The following SNX19 variants were observed in gnomAD, a reference collection of about 807,000 sequenced individuals.
The protein encoded by SNX19 is sorting nexin-19.
Under a neutral mutation model 85.2 loss-of-function variants are expected in SNX19, and 60 were observed. The observed-to-expected ratio is 0.70, with a 90% CI of 0.57 to 0.87. The LOEUF (loss-of-function observed/expected upper bound fraction) is 0.87. Ranked by LOEUF, SNX19 falls within the 40% of genes least tolerant of loss-of-function variation. SNX19 has a pLI of 0.00. For synonymous variants in SNX19, 520 were observed against 470.0 expected (o/e 1.11, Z -1.38); for missense variants, 1,201 against 1,217.8 (o/e 0.99, Z 0.21).
rs185451483 is a variant in SNX19, at chr11:130,870,437, G to A, written c.*7985C>T. On this transcript the variant is annotated 3_prime_UTR_variant, in exon 11 of 11. Coordinates refer to ENST00000265909, the MANE Select transcript of SNX19 (RefSeq NM_014758.3). ...GGGGGTAGCCTCTGATGAAACATTT[G>A]AGTAATGGATTTCTTTACCTCACCT... Among the ~76,000 whole-genome samples, 43 of 152,338 alleles carry A rather than the reference G, an allele frequency of 2.8e-4. No individual in the cohort carries two copies. Among genetic ancestry groups the A allele is most frequent in the Admixed American group, 1.0e-3 (16 of 15,306 alleles).
At chr11:130,894,396 A>G (rs1039557919) in intron 8 of SNX19, among the ~76,000 whole-genome samples, 1 of 152,226 alleles carries the variant, frequency 6.6e-6, no homozygotes, top group Non-Finnish European at 1.5e-5. Flanking sequence ...AGCAGAAGGA[A>G]GAAGGGTGAA....
chr11:130,872,833 T>C lies in SNX19; in HGVS notation c.*5589A>G, dbSNP rs1943080932. On this transcript the variant is annotated 3_prime_UTR_variant, in exon 11 of 11. Transcript: ENST00000265909. ...CCATCCCCTTCCACATCCAGCAGTG[T>C]GGGCTAACCTTCCTTTCCTCATCCT... 6.6e-6 allele frequency among the ~76,000 whole-genome samples: 1 copy of C among 152,162 alleles called. No individual in the cohort carries two copies. Among genetic ancestry groups the C allele is most frequent in the African/African-American group, 2.4e-5 (1 of 41,442 alleles).
chr11:130,907,826 C>T, intron 5 of SNX19, 127 bp downstream of exon 5: 2 of 1,433,542 alleles, frequency 1.4e-6, no homozygotes, highest in Non-Finnish European at 1.9e-6. Context: ...CTAGCTTTGC[C>T]TAAAAACTGG....
At chr11:130,880,331 A>G (rs1462865615) in intron 9 of SNX19, among the ~76,000 whole-genome samples, 1 of 152,096 alleles carries the variant, frequency 6.6e-6, no homozygotes, top group African/African-American at 2.4e-5. Context: ...CAGACCTGCC[A>G]GCAGGTAGAG....
At position 130,875,399 on chromosome 11, in the gene SNX19, G is replaced by T. The variant is rs1943190633; in HGVS notation, c.*3023C>A. 1 of 152,292 alleles carries T rather than the reference G, an allele frequency of 6.6e-6. No homozygotes were observed. Among genetic ancestry groups the T allele is most frequent in the Middle Eastern group, 3.4e-3 (1 of 294 alleles). 9.4% of individuals were successfully genotyped at this position (152,292 alleles called of 1,614,324 possible). A position where few individuals can be genotyped will look rare whatever the true frequency, so the allele number is the denominator to read the frequency against. On this transcript the variant is annotated 3_prime_UTR_variant, in exon 11 of 11. Coordinates refer to ENST00000265909, the MANE Select transcript of SNX19 (RefSeq NM_014758.3). The stretch of plus-strand genomic sequence containing the variant: ...TCAATGGGTATAAACTTTTGGTTAT[G>T]CAAGATGAAAAACTTGTAGCAGTCT...
chr11:130,905,710 T>A, intron 7 of SNX19: 5 of 1,534,054 alleles, frequency 3.3e-6, no homozygotes, highest in Non-Finnish European at 4.4e-6. Context: ...ATCAGCATGA[T>A]CTCATCCTGC....
rs892710883 is a variant in SNX19 at position 130,871,900 on chromosome 11, C to G, written c.*6522G>C. ...ACACTTTAATATTAAAATTAGCTTA[C>G]ACTTCCTAAACAAACACTGACTGGT... On this transcript the variant is annotated 3_prime_UTR_variant, in exon 11 of 11. Coordinates refer to ENST00000265909, the MANE Select transcript of SNX19 (RefSeq NM_014758.3). Among the ~76,000 whole-genome samples, 1 of 152,202 alleles carries G rather than the reference C, an allele frequency of 6.6e-6. No homozygotes were observed. The highest frequency in any genetic ancestry group is 6.5e-5 in the Admixed American group (1 of 15,284).
Position 130,911,631 on chromosome 11 carries a change from AC to A in SNX19, c.1813+1del. On this transcript the variant is annotated splice_donor_variant, in intron 2 of 10. Coordinates refer to ENST00000265909, the MANE Select transcript of SNX19 (RefSeq NM_014758.3). LOFTEE classifies it high-confidence loss of function. ...GCAGTAGGGGTTGGGGAAACTCCTG[AC>A]TTTTGATGAACTTTCGTAGATCTGG... 1 of 1,614,064 alleles carries A rather than the reference AC, an allele frequency of 6.2e-7. No individual in the cohort carries two copies. The highest frequency in any genetic ancestry group is 8.5e-7 in the Non-Finnish European group (1 of 1,179,996).
rs1946585066 is a variant in SNX19, at chr11:130,916,382, C to T, written c.-443G>A. Reference sequence around the variant, plus strand: ...GAAGTGGACTCATCGCGGTCCTCTCCGGGAGCCTCGGCCCTCTGCCGCCGT... The same window carrying T: ...GAAGTGGACTCATCGCGGTCCTCTCTGGGAGCCTCGGCCCTCTGCCGCCGT... On this transcript the variant is annotated 5_prime_UTR_variant, in exon 1 of 11. Coordinates refer to ENST00000265909, the MANE Select transcript of SNX19 (RefSeq NM_014758.3). The T allele has an allele frequency of 6.3e-6, 1 of 159,436 alleles. No homozygotes were observed. Among genetic ancestry groups the T allele is most frequent in the Non-Finnish European group, 1.4e-5 (1 of 72,166 alleles). The allele number at this position is 159,436 out of a possible 1,614,324, so 9.9% of individuals were successfully genotyped here.
At chr11:130,878,810 A>G (rs1262223562) in intron 10 of SNX19, among the ~76,000 whole-genome samples, 2 of 152,228 alleles carry the variant, frequency 1.3e-5, no homozygotes, top group African/African-American at 4.8e-5. Flanking sequence ...ACATAGTTAC[A>G]TTAGCACTGC....
chr11:130,887,389 C>A (rs764532319), intron 8 of SNX19, among the ~76,000 whole-genome samples: 13 of 152,168 alleles, frequency 8.5e-5, no homozygotes, highest in Non-Finnish European at 1.9e-4. Context: ...TAAGAACATA[C>A]AACTTGAGAG....
rs1424650441 is a variant in SNX19, at chr11:130,877,753, A to C, written c.*669T>G. Reference sequence around the variant, plus strand: ...CCAGAAGCTTTGGCAGTCAGCTTTGAAGTCTTCTGGAAAGGAAAGTGTAGC... The same window carrying C: ...CCAGAAGCTTTGGCAGTCAGCTTTGCAGTCTTCTGGAAAGGAAAGTGTAGC... On this transcript the variant is annotated 3_prime_UTR_variant, in exon 11 of 11. Coordinates refer to ENST00000265909, the MANE Select transcript of SNX19 (RefSeq NM_014758.3). 1.3e-5 allele frequency: 2 copies of C among 152,656 alleles called. No homozygotes were observed. Among genetic ancestry groups the C allele is most frequent in the African/African-American group, 4.8e-5 (2 of 41,448 alleles). 9.5% of individuals were successfully genotyped at this position (152,656 alleles called of 1,614,324 possible).
chr11:130,877,446 A>C lies in SNX19; in HGVS notation c.*976T>G, dbSNP rs542221222. On this transcript the variant is annotated 3_prime_UTR_variant, in exon 11 of 11. Transcript: ENST00000265909. ...CTAATCTTATCTGTTCAGAATAATA[A>C]AAGTTCTCTGTCAAAGACTTAGGAA... is the stretch of plus-strand genomic sequence containing the variant. 6.6e-6 allele frequency: 1 copy of C among 152,330 alleles called. No individual in the cohort carries two copies. The highest frequency in any genetic ancestry group is 1.9e-4 in the East Asian group (1 of 5,182). 9.4% of individuals were successfully genotyped at this position (152,330 alleles called of 1,614,324 possible). A position where few individuals can be genotyped will look rare whatever the true frequency, so the allele number is the denominator to read the frequency against.
intron 8 of SNX19, 179 bp downstream of exon 8, chr11:130,903,076 C>T: frequency 1.3e-6 from 1 of 746,700 alleles, no homozygotes; most frequent in South Asian, 1.9e-5. Context: ...AAATTGTAGA[C>T]AACAAGGTAG....
At chr11:130,889,791 G>T (rs1944370917) in intron 8 of SNX19, among the ~76,000 whole-genome samples, 1 of 152,032 alleles carries the variant, frequency 6.6e-6, no homozygotes, top group Non-Finnish European at 1.5e-5. Flanking sequence ...TTCTGTCTGT[G>T]GTCAGAAGTT....
At chr11:130,881,502 G>T (rs1943670458) in intron 8 of SNX19, among the ~76,000 whole-genome samples, 1 of 152,210 alleles carries the variant, frequency 6.6e-6, no homozygotes, top group South Asian at 2.1e-4. Flanking sequence ...CTGATGGGAA[G>T]CATTATAACC....
chr11:130,876,222 T>C lies in SNX19; in HGVS notation c.*2200A>G, dbSNP rs1299046028. The C allele has an allele frequency of 2.3e-5, 3 of 130,956 alleles. No individual in the cohort carries two copies. The highest frequency in any genetic ancestry group is 5.1e-5 in the Non-Finnish European group (3 of 58,786). 8.1% of individuals were successfully genotyped at this position (130,956 alleles called of 1,614,324 possible). ...CCCTGCCTTTTATCACCCTGTCAGCTGGGAGTATCTTTTCTACCTGTGGCT... is the reference window on the plus strand; with the variant it reads ...CCCTGCCTTTTATCACCCTGTCAGCCGGGAGTATCTTTTCTACCTGTGGCT... On this transcript the variant is annotated 3_prime_UTR_variant, in exon 11 of 11. Coordinates refer to ENST00000265909, the MANE Select transcript of SNX19 (RefSeq NM_014758.3).
chr11:130,873,792 T>C lies in SNX19; in HGVS notation c.*4630A>G, dbSNP rs1943116110. 6.6e-6 allele frequency among the ~76,000 whole-genome samples: 1 copy of C among 152,154 alleles called. No individual in the cohort carries two copies. Among genetic ancestry groups the C allele is most frequent in the African/African-American group, 2.4e-5 (1 of 41,458 alleles). ...AGGCATTTTGGGAGTAGATAGGGGATCTGCTGAATGTTGGCAGAATGACCC... is the reference window on the plus strand; with the variant it reads ...AGGCATTTTGGGAGTAGATAGGGGACCTGCTGAATGTTGGCAGAATGACCC... On this transcript the variant is annotated 3_prime_UTR_variant, in exon 11 of 11. Coordinates refer to ENST00000265909, the MANE Select transcript of SNX19 (RefSeq NM_014758.3).
At chr11:130,883,809 C>T (rs1281443733) in intron 8 of SNX19, among the ~76,000 whole-genome samples, 1 of 152,018 alleles carries the variant, frequency 6.6e-6, no homozygotes, top group African/African-American at 2.4e-5. Flanking sequence ...GATGGTGTCT[C>T]GTTAAAAATG....
Sources: gnomAD v4.1 joint callset for allele counts (sites outside exome capture counted in the v4.1 genomes callset) on GRCh38, gnomAD v4.1.1 for gene constraint, MANE v1.5 for transcripts, NCBI Gene and HGNC (gene_info 2026-07-23, HGNC 2026-07-21) for gene names.